Variants in NT5E observed in about 807,000 individuals in gnomAD.
NT5E encodes 5'-nucleotidase ecto.
NT5E carries 53 observed loss-of-function variants against 55.1 expected under a neutral mutation model. The ratio of observed to expected loss-of-function variants is 0.96; its 90% CI spans 0.77 to 1.21. The LOEUF (loss-of-function observed/expected upper bound fraction) is 1.21, where lower values mean the gene tolerates loss of function less well. NT5E is among the 50% of genes most tolerant of loss of function. NT5E has a pLI of 0.00. For synonymous variants in NT5E, 270 were observed against 278.4 expected (o/e 0.97, Z 0.30); for missense variants, 683 against 724.3 (o/e 0.94, Z 0.65).
chr6:85,462,374 C>T (rs1199646422), intron 1 of NT5E, among the ~76,000 whole-genome samples: 7 of 152,212 alleles, frequency 4.6e-5, no homozygotes, highest in Admixed American at 4.6e-4. Flanking sequence ...CAGCGATGCT[C>T]TTAGCAGCAT....
chr6:85,486,778 A>G (rs905282730), intron 4 of NT5E, among the ~76,000 whole-genome samples: 1 of 152,218 alleles, frequency 6.6e-6, no homozygotes, highest in Non-Finnish European at 1.5e-5. Context: ...GTCTCCCTAC[A>G]TGAGTCTCAG....
chr6:85,464,478 G>A (rs1769151386), intron 1 of NT5E, among the ~76,000 whole-genome samples: 2 of 152,096 alleles, frequency 1.3e-5, no homozygotes, highest in African/African-American at 4.8e-5. Flanking sequence ...GAGCCTGGGA[G>A]GGAGCTACCC....
chr6:85,477,258 G>A (rs1331187300), intron 3 of NT5E, among the ~76,000 whole-genome samples: 9 of 152,088 alleles, frequency 5.9e-5, no homozygotes, highest in Non-Finnish European at 1.0e-4. Context: ...CACATGGAAG[G>A]CAGGTGTCTG....
chr6:85,470,084 T>C (rs1769273082), intron 2 of NT5E, among the ~76,000 whole-genome samples: 2 of 152,224 alleles, frequency 1.3e-5, no homozygotes, highest in African/African-American at 4.8e-5. Flanking sequence ...TAGAAATCAG[T>C]GTAAGAACGT....
intron 5 of NT5E, among the ~76,000 whole-genome samples, chr6:85,487,734 G>A (rs1053086933): frequency 4.5e-4 from 68 of 152,220 alleles, no homozygotes; most frequent in African/African-American, 1.6e-3. Context: ...CTGGGCAAAA[G>A]AGCGAGACTC....
chr6:85,491,016 T>A (rs369727580), intron 7 of NT5E: 2 of 525,770 alleles, frequency 3.8e-6, no homozygotes, highest in African/African-American at 3.8e-5. Flanking sequence ...TACTCATCGT[T>A]GCCTGGAACC....
rs1274119346 is a variant in NT5E, at chr6:85,450,727, T to G, written c.339+249T>G. 6.6e-6 allele frequency among the ~76,000 whole-genome samples: 1 copy of G among 152,216 alleles called. No homozygotes were observed. The highest frequency in any genetic ancestry group is 1.5e-5 in the Non-Finnish European group (1 of 68,030). On this transcript the variant is annotated intron_variant, in intron 1 of 8. Coordinates refer to ENST00000257770, the MANE Select transcript of NT5E (RefSeq NM_002526.4). The surrounding 1 kb of genome is among the most constrained non-coding windows in gnomAD (Gnocchi z 4.0). ...TAGAGGAGCAGGACCCAGTCCTGCC[T>G]GCGAGGGGCTTAAGGTGGGGTGCGT...
intron 5 of NT5E, 60 bp from the exon 6 acceptor site, chr6:85,489,434 G>A: frequency 1.7e-6 from 2 of 1,205,140 alleles, no homozygotes; most frequent in Non-Finnish European, 2.5e-6. Flanking sequence ...CAGATTCCTG[G>A]AGCTGATCCT....
At chr6:85,482,195 T>C (rs1283102431) in intron 3 of NT5E, among the ~76,000 whole-genome samples, 1 of 152,162 alleles carries the variant, frequency 6.6e-6, no homozygotes, top group African/African-American at 2.4e-5. Context: ...TATACTTCAG[T>C]CCATTGAAAA....
intron 3 of NT5E, among the ~76,000 whole-genome samples, chr6:85,476,144 G>C (rs1254136458): frequency 6.6e-6 from 1 of 152,086 alleles, no homozygotes; most frequent in Admixed American, 6.5e-5. Context: ...GAGTGTCCAT[G>C]TGGGTAGTTG....
chr6:85,472,450 G>A (rs997018146), intron 3 of NT5E, among the ~76,000 whole-genome samples: 18 of 152,148 alleles, frequency 1.2e-4, no homozygotes, highest in East Asian at 9.6e-4. Context: ...TTTTGCAATC[G>A]GAAAGCAAAA....
chr6:85,467,007 A>G lies in NT5E; in HGVS notation c.340-53A>G, dbSNP rs1189204130. 4 of 1,496,514 alleles carry G rather than the reference A, an allele frequency of 2.7e-6. No homozygotes were observed. The East Asian group carries it at 9.2e-5, about 34-fold the overall frequency. 92.7% of individuals were successfully genotyped at this position (1,496,514 alleles called of 1,614,324 possible). A position where few individuals can be genotyped will look rare whatever the true frequency, so the allele number is the denominator to read the frequency against. ...AGTCAGTTTTGAGAAATACTGGACT[A>G]ATGTTATGTTTTTAAAGCACCTAAT... On this transcript the variant is annotated intron_variant, in intron 1 of 8. Coordinates refer to ENST00000257770, the MANE Select transcript of NT5E (RefSeq NM_002526.4).
chr6:85,451,547 TA>T (rs1310146870), intron 1 of NT5E, among the ~76,000 whole-genome samples: 1 of 152,060 alleles, frequency 6.6e-6, no homozygotes, highest in African/African-American at 2.4e-5. Context: ...TAACCCTGTG[TA>T]AAAGCCTTGA....
chr6:85,478,396 T>C (rs1424198290), intron 3 of NT5E, among the ~76,000 whole-genome samples: 2 of 152,220 alleles, frequency 1.3e-5, no homozygotes, highest in East Asian at 3.9e-4. Context: ...CACTCATAGG[T>C]ACGAATCTCT....
chr6:85,469,547 G>C (rs765592339), intron 2 of NT5E, among the ~76,000 whole-genome samples: 4 of 152,312 alleles, frequency 2.6e-5, no homozygotes, highest in African/African-American at 4.8e-5. Context: ...AGTGCAGCAG[G>C]GGGGAAGGTA....
chr6:85,471,912 T>C (rs1271524049), intron 3 of NT5E, among the ~76,000 whole-genome samples: 1 of 152,182 alleles, frequency 6.6e-6, no homozygotes, highest in African/African-American at 2.4e-5. Context: ...TGCTGCAGAC[T>C]AGGAATATAA....
At chr6:85,487,650 G>A (rs919011853) in intron 5 of NT5E, among the ~76,000 whole-genome samples, 161 bp downstream of exon 5, 7 of 152,184 alleles carry the variant, frequency 4.6e-5, no homozygotes, top group Non-Finnish European at 7.4e-5. Context: ...CCAGCTACTC[G>A]GGAGGCTTAG....
At position 85,461,828 on chromosome 6, in the gene NT5E, T is replaced by C. The variant is rs1167918927; in HGVS notation, c.340-5232T>C. Among the ~76,000 whole-genome samples the C allele has an allele frequency of 2.6e-5, 4 of 152,154 alleles. No homozygotes were observed. In the East Asian group the frequency reaches 7.7e-4, roughly 29 times the overall value. On this transcript the variant is annotated intron_variant, in intron 1 of 8. Transcript: ENST00000257770. ...CTCTCTCTTCTGTTTCAAGAGACAC[T>C]TTGTGGAGTTGTCTAGAGAGACTGG...
intron 3 of NT5E, among the ~76,000 whole-genome samples, chr6:85,479,273 G>A (rs1769495155): frequency 6.6e-6 from 1 of 152,144 alleles, no homozygotes; most frequent in South Asian, 2.1e-4. Flanking sequence ...AACCAGGAAT[G>A]CAGTGGTTTA....
Sources: allele counts gnomAD v4.1 joint callset (sites outside exome capture counted in the v4.1 genomes callset), GRCh38; gene constraint gnomAD v4.1.1; non-coding constraint Gnocchi (gnomAD v3.1); transcripts MANE v1.5; gene names NCBI Gene and HGNC (gene_info 2026-07-23, HGNC 2026-07-21).